DNM3: variants seen among roughly 807,000 people sequenced by gnomAD.
DNM3 encodes the protein dynamin-3.
In DNM3, 47 loss-of-function variants were observed where a neutral mutation model predicts 101.6. That is an observed-to-expected ratio of 0.46 (90% confidence interval 0.37 to 0.59). The LOEUF (loss-of-function observed/expected upper bound fraction) is 0.59, where lower values mean the gene tolerates loss of function less well. Among genes scored for constraint, DNM3 ranks in the 20% least tolerant of loss-of-function variants. The pLI, the probability that DNM3 is intolerant of heterozygous loss-of-function variation, is 0.00. For missense variants in DNM3, 849 were observed against 1,085.7 expected, an observed-to-expected ratio of 0.78 and a Z score of 3.06; for synonymous variants, 385 against 387.9, an observed-to-expected ratio of 0.99 and a Z score of 0.09.
intron 14 of DNM3, among the ~76,000 whole-genome samples, chr1:172,229,453 G>A (rs945606291): frequency 3.3e-5 from 5 of 152,084 alleles, no homozygotes; most frequent in African/African-American, 1.2e-4. Context: ...GCATTTATTT[G>A]TAATGAACAG....
chr1:172,389,696 C>T (rs1382635766), intron 20 of DNM3, among the ~76,000 whole-genome samples: 1 of 152,168 alleles, frequency 6.6e-6, no homozygotes, highest in African/African-American at 2.4e-5. Context: ...TATTTATATA[C>T]TCCATGAAGG....
intron 1 of DNM3, among the ~76,000 whole-genome samples, chr1:171,865,515 C>CAAAAAAAAAAA (rs57826674): frequency 2.1e-4 from 17 of 80,642 alleles, no homozygotes; most frequent in East Asian, 4.3e-4. Flanking sequence ...GATCCTGTCT[C>CAAAAAAAAAAA]AAAAAAAAAA....
chr1:172,111,546 G>C (rs2147948445), intron 13 of DNM3, among the ~76,000 whole-genome samples: 1 of 152,298 alleles, frequency 6.6e-6, no homozygotes, highest in Non-Finnish European at 1.5e-5. Flanking sequence ...AATGAGGCTT[G>C]GCTATATTAA....
At chr1:172,068,144 A>G (rs2051847669) in intron 10 of DNM3, among the ~76,000 whole-genome samples, 1 of 152,194 alleles carries the variant, frequency 6.6e-6, no homozygotes, top group Non-Finnish European at 1.5e-5. Context: ...CCTGGCCAAC[A>G]TGGTGAAACC....
chr1:172,118,681 C>T (rs2056093196), intron 13 of DNM3, among the ~76,000 whole-genome samples: 1 of 152,084 alleles, frequency 6.6e-6, no homozygotes, highest in Non-Finnish European at 1.5e-5. Context: ...CCGTTCCACT[C>T]TCGAGCTCCC....
intron 4 of DNM3, among the ~76,000 whole-genome samples, chr1:172,004,155 A>G (rs1043657887): frequency 6.6e-6 from 1 of 152,056 alleles, no homozygotes; most frequent in African/African-American, 2.4e-5. Context: ...AAGAATCTGT[A>G]TGTTTTGAGG....
chr1:172,241,004 C>T (rs2061727479), intron 14 of DNM3, among the ~76,000 whole-genome samples: 1 of 151,936 alleles, frequency 6.6e-6, no homozygotes, highest in South Asian at 2.1e-4. Context: ...GTACTTAGCT[C>T]ACTAGTAAAG....
intron 2 of DNM3, 30 bp downstream of exon 2, chr1:171,921,851 T>C: frequency 6.4e-6 from 10 of 1,571,392 alleles, no homozygotes; most frequent in Non-Finnish European, 8.7e-6. Context: ...ACCGCATGGA[T>C]GGGCACATCC....
intron 14 of DNM3, among the ~76,000 whole-genome samples, chr1:172,236,786 T>C (rs1484489543): frequency 6.6e-6 from 1 of 152,152 alleles, no homozygotes; most frequent in Non-Finnish European, 1.5e-5. Context: ...TGCTAAACTT[T>C]TTCTATGACA....
intron 15 of DNM3, among the ~76,000 whole-genome samples, chr1:172,279,359 C>G (rs1413674063): frequency 6.6e-6 from 1 of 152,026 alleles, no homozygotes; most frequent in Non-Finnish European, 1.5e-5. Context: ...TTGAATAATT[C>G]CCAAATTGGC....
chr1:171,949,907 G>A (rs1370468336), intron 2 of DNM3, among the ~76,000 whole-genome samples: 3 of 152,132 alleles, frequency 2.0e-5, no homozygotes, highest in African/African-American at 7.2e-5. Flanking sequence ...ATATGACCCA[G>A]CCAATCCACT....
At chr1:172,383,182 C>T (rs2069007731) in intron 18 of DNM3, among the ~76,000 whole-genome samples, 1 of 152,132 alleles carries the variant, frequency 6.6e-6, no homozygotes. Context: ...CCCCCACCTC[C>T]CATCATTGCT....
rs572312692 is a variant in DNM3 at position 172,321,930 on chromosome 1, C to A, written c.1882-1399C>A. Among the ~76,000 whole-genome samples, 18 of 152,228 alleles carry A rather than the reference C, an allele frequency of 1.2e-4. 1 individual carries two copies. The South Asian group carries it at 1.5e-3, about 12-fold the overall frequency. On this transcript the variant is annotated intron_variant, in intron 16 of 20. Coordinates refer to ENST00000627582, the MANE Select transcript of DNM3 (RefSeq NM_015569.5). Reference sequence around the variant, plus strand: ...CAGTTGGCATCATTTTTAAAAAGGACTCTTTTTTTCCCTTCATTCGTTCTT... The same window carrying A: ...CAGTTGGCATCATTTTTAAAAAGGAATCTTTTTTTCCCTTCATTCGTTCTT...
intron 20 of DNM3, chr1:172,399,841 G>C (rs1175386107): frequency 6.6e-6 from 1 of 151,088 alleles, no homozygotes; most frequent in East Asian, 1.9e-4. Context: ...CAGGTATGAA[G>C]GTCAGGCAGA....
chr1:172,384,863 C>T (rs2069102736), intron 18 of DNM3, among the ~76,000 whole-genome samples: 1 of 152,188 alleles, frequency 6.6e-6, no homozygotes, highest in Non-Finnish European at 1.5e-5. Context: ...ACCATGCATC[C>T]AACTGCATAT....
Position 171,989,045 on chromosome 1 carries a change from G to C in DNM3, c.486G>C (p.Gln162His). The C allele has an allele frequency of 1.9e-6, 3 of 1,612,454 alleles. No individual in the cohort carries two copies. The highest frequency in any genetic ancestry group is 2.5e-6 in the Non-Finnish European group (3 of 1,179,228). Residue 162 changes from glutamine to histidine, a missense_variant, in exon 4 of 21, where the codon CAG (glutamine) becomes CAC (histidine). Physicochemically the swap from Gln to His is conservative, Grantham distance 24. Transcript: ENST00000627582. Reference protein sequence around the residue: ...IEYQIREMIMQFITRENCLIL... With the variant: ...IEYQIREMIMHFITRENCLIL... ...ATCAGATCAGAGAAATGATTATGCA[G>C]TTCATCACGAGGGAGAACTGTCTGA... is the stretch of plus-strand genomic sequence containing the variant.
chr1:172,134,680 T>C (rs534507126), intron 14 of DNM3, among the ~76,000 whole-genome samples: 1 of 152,146 alleles, frequency 6.6e-6, no homozygotes, highest in South Asian at 2.1e-4. Flanking sequence ...AAAGCAAACA[T>C]ACAAATAAAT....
intron 13 of DNM3, among the ~76,000 whole-genome samples, chr1:172,130,014 T>C (rs2056850758): frequency 6.6e-6 from 1 of 152,092 alleles, no homozygotes. Context: ...GCTGGAAATA[T>C]GGAGAGAGGC....
chr1:172,140,094 A>C (rs1399749229), intron 14 of DNM3: 1 of 152,082 alleles, frequency 6.6e-6, no homozygotes, highest in Non-Finnish European at 1.5e-5. Context: ...ATTTATCTTT[A>C]ATTGTAAAAT....
Sources: allele counts gnomAD v4.1 joint callset (sites outside exome capture counted in the v4.1 genomes callset), GRCh38; gene constraint gnomAD v4.1.1; transcripts MANE v1.5; gene names NCBI Gene and HGNC (gene_info 2026-07-23, HGNC 2026-07-21).